SP140: variants seen among roughly 807,000 people sequenced by gnomAD.
The protein encoded by SP140 is SP140 nuclear body protein.
In SP140, 81 loss-of-function variants were observed where a neutral mutation model predicts 125.0. That is an observed-to-expected ratio of 0.65 (90% CI 0.54 to 0.78). The LOEUF (loss-of-function observed/expected upper bound fraction) is 0.78, where lower values mean the gene tolerates loss of function less well. Ranked by LOEUF, SP140 falls within the 30% of genes least tolerant of loss-of-function variation. The probability of loss-of-function intolerance (pLI) is 0.00; values close to 1 mark genes in which losing one functional copy is unlikely to be tolerated. For synonymous variants in SP140, 312 were observed against 354.0 expected, an observed-to-expected ratio of 0.88 and a Z score of 1.33; for missense variants, 858 against 1,037.0, an observed-to-expected ratio of 0.83 and a Z score of 2.37.
At chr2:230,221,304 C>A (rs1463017579), upstream of SP140, among the ~76,000 whole-genome samples, 1 of 150,620 alleles carries the variant, frequency 6.6e-6, no homozygotes, top group Non-Finnish European at 1.5e-5. Context: ...AAAAAGAATT[C>A]TATGTAACTT....
intron 15 of SP140, among the ~76,000 whole-genome samples, chr2:230,272,856 T>A (rs758522224): frequency 3.3e-5 from 5 of 152,222 alleles, no homozygotes; most frequent in Non-Finnish European, 5.9e-5. Flanking sequence ...GGATTCCTTA[T>A]TCAGTAAATG....
At chr2:230,232,939 T>G (rs1363880829) in intron 1 of SP140, among the ~76,000 whole-genome samples, 2 of 152,222 alleles carry the variant, frequency 1.3e-5, no homozygotes, top group Non-Finnish European at 2.9e-5. Context: ...ATTTGCTTAA[T>G]GAAACTTATC....
chr2:230,205,161 A>G (rs1004781172), intron 1 of SP140, among the ~76,000 whole-genome samples: 10 of 152,192 alleles, frequency 6.6e-5, no homozygotes, highest in African/African-American at 2.4e-4. Context: ...TCAATATGCT[A>G]ATAGAGTTCA....
chr2:230,259,211 C>T (rs531261750), intron 12 of SP140, among the ~76,000 whole-genome samples: 31 of 152,166 alleles, frequency 2.0e-4, no homozygotes, highest in African/African-American at 6.5e-4. Flanking sequence ...GAGCAGTATA[C>T]GCTGCACCAT....
chr2:230,225,693 G>C (rs1559199090), upstream of SP140: 9 of 707,272 alleles, frequency 1.3e-5, no homozygotes, highest in Non-Finnish European at 1.8e-5. Context: ...GAGGACTGTA[G>C]AGTTGGTGCA....
chr2:230,250,924 C>T (rs959675242), intron 9 of SP140, 57 bp from the exon 10 acceptor site: 22 of 1,590,746 alleles, frequency 1.4e-5, no homozygotes, highest in African/African-American at 2.7e-5. Context: ...CAGCTTCCCA[C>T]GTCTTCACTA....
chr2:230,190,667 T>C, the SP140 span, among the ~76,000 whole-genome samples: 2 of 62,004 alleles, frequency 3.2e-5, no homozygotes, highest in South Asian at 3.9e-4. Flanking sequence ...TTCAGTTTTC[T>C]TCTAGGGTTT....
At chr2:230,272,851 C>T (rs1411217861) in intron 15 of SP140, among the ~76,000 whole-genome samples, 10 of 152,114 alleles carry the variant, frequency 6.6e-5, no homozygotes, top group Admixed American at 6.5e-4. Context: ...GAAAAGGATT[C>T]CTTATTCAGT....
intron 11 of SP140, among the ~76,000 whole-genome samples, chr2:230,254,792 C>T (rs573885845): frequency 2.8e-4 from 43 of 152,340 alleles, no homozygotes; most frequent in Non-Finnish European, 4.9e-4. Context: ...GTGGCTTCCA[C>T]CCTTCATGGG....
chr2:230,196,572 A>T, the SP140 span, among the ~76,000 whole-genome samples: 2 of 151,920 alleles, frequency 1.3e-5, no homozygotes, highest in Admixed American at 6.6e-5. Flanking sequence ...TTTAAGTTTT[A>T]GGGTACATGT....
At chr2:230,197,387 GTTGT>G in the SP140 span, among the ~76,000 whole-genome samples, 3 of 151,380 alleles carry the variant, frequency 2.0e-5, no homozygotes, top group Admixed American at 6.6e-5. Flanking sequence ...TTTTGATGGG[GTTGT>G]TTGTTTTTTT....
chr2:230,290,693 G>A (rs1489600973), intron 19 of SP140, 129 bp downstream of exon 19: 1 of 743,330 alleles, frequency 1.3e-6, no homozygotes, highest in Non-Finnish European at 2.2e-6. Flanking sequence ...AAGGAGGAAG[G>A]GATTTCTAAG....
chr2:230,198,408 A>G (rs1192635889), upstream of SP140, among the ~76,000 whole-genome samples: 1 of 152,154 alleles, frequency 6.6e-6, no homozygotes. Flanking sequence ...GGGCAGTCAT[A>G]ATGCCCACCA....
intron 1 of SP140, among the ~76,000 whole-genome samples, chr2:230,207,387 CT>C: frequency 6.6e-6 from 1 of 152,208 alleles, no homozygotes; most frequent in South Asian, 2.1e-4. Flanking sequence ...GACCAGATAC[CT>C]TGTGTTCCTG....
chr2:230,279,555 A>T (rs2055217269), intron 15 of SP140, among the ~76,000 whole-genome samples: 1 of 152,220 alleles, frequency 6.6e-6, no homozygotes. Flanking sequence ...CAACAATTAC[A>T]GAATTTTCTT....
intron 22 of SP140, among the ~76,000 whole-genome samples, chr2:230,309,138 C>T (rs909085248): frequency 2.0e-5 from 3 of 152,154 alleles, no homozygotes; most frequent in Non-Finnish European, 2.9e-5. Context: ...ATGGAGAATT[C>T]GTTGATTTAC....
chr2:230,312,920 G>A lies in SP140; in HGVS notation c.*236G>A, dbSNP rs1471219841. ...AGTAAGTGGGATCACAGGGAAGGAT[G>A]TTGGCAGCGACACCATCCCATACAG... On this transcript the variant is annotated 3_prime_UTR_variant, in exon 27 of 27. Transcript: ENST00000392045. 1.0e-5 allele frequency: 4 copies of A among 400,924 alleles called. No individual in the cohort carries two copies. In the East Asian group the frequency reaches 2.4e-4, roughly 24 times the overall value. 24.8% of individuals were successfully genotyped at this position (400,924 alleles called of 1,614,324 possible).
chr2:230,199,767 T>C (rs2043049795), upstream of SP140, among the ~76,000 whole-genome samples: 1 of 152,136 alleles, frequency 6.6e-6, no homozygotes, highest in Non-Finnish European at 1.5e-5. Flanking sequence ...ATCCATAGGA[T>C]CTTGGAAGTA....
chr2:230,223,028 A>G (rs2045949001), upstream of SP140, among the ~76,000 whole-genome samples: 1 of 149,202 alleles, frequency 6.7e-6, no homozygotes, highest in South Asian at 2.2e-4. Context: ...TGATGTCATC[A>G]ATCAGTCTGA....
Sources: allele counts gnomAD v4.1 joint callset (sites outside exome capture counted in the v4.1 genomes callset), GRCh38; gene constraint gnomAD v4.1.1; transcripts MANE v1.5; gene names NCBI Gene and HGNC (gene_info 2026-07-23, HGNC 2026-07-21).